The following DNAJA3 variants were observed in gnomAD, a reference collection of about 807,000 sequenced individuals.
DNAJA3 encodes dnaJ homolog subfamily A member 3, mitochondrial.
A neutral mutation model predicts 54.9 loss-of-function variants in DNAJA3; 29 were observed. The observed-to-expected ratio is 0.53, with a 90% CI of 0.39 to 0.72. The LOEUF is 0.72. DNAJA3 is among the 30% of genes least tolerant of loss of function. The pLI is 0.00. For missense variants in DNAJA3, 708 were observed against 639.4 expected, an observed-to-expected ratio of 1.11 and a Z score of -1.16; for synonymous variants, 302 against 251.4, an observed-to-expected ratio of 1.20 and a Z score of -1.90.
chr16:4,434,040 C>A lies in DNAJA3; in HGVS notation c.212-344C>A. The stretch of plus-strand genomic sequence containing the variant: ...GCACGGCTGGGGAGGCCTCAGCGAT[C>A]GTGGCGGAAGGGGAAGCAAACACAT... On this transcript the variant is annotated intron_variant, in intron 1 of 11. Coordinates refer to ENST00000262375, the MANE Select transcript of DNAJA3 (RefSeq NM_005147.6). 3 of 280,844 alleles carry A rather than the reference C, an allele frequency of 1.1e-5. No individual in the cohort carries two copies. The South Asian group carries it at 1.2e-4, about 11-fold the overall frequency. The allele number at this position is 280,844 out of a possible 1,614,324, so 17.4% of individuals were successfully genotyped here. A position where few individuals can be genotyped will look rare whatever the true frequency, so the allele number is the denominator to read the frequency against.
chr16:4,428,635 G>C (rs916213754), intron 1 of DNAJA3, among the ~76,000 whole-genome samples: 2 of 152,204 alleles, frequency 1.3e-5, no homozygotes, highest in South Asian at 2.1e-4. Flanking sequence ...GCGGTTAGCT[G>C]TCTTGTTCCC....
intron 2 of DNAJA3, among the ~76,000 whole-genome samples, chr16:4,436,108 A>T (rs180791391): frequency 6.6e-6 from 1 of 152,080 alleles, no homozygotes; most frequent in African/African-American, 2.4e-5. Flanking sequence ...CATGTTGGCT[A>T]TTAGTATGTC....
At position 4,456,511 on chromosome 16, in the gene DNAJA3, G is replaced by A. The variant is rs930948318; in HGVS notation, c.*979G>A. On this transcript the variant is annotated 3_prime_UTR_variant, in exon 12 of 12. Coordinates refer to ENST00000262375, the MANE Select transcript of DNAJA3 (RefSeq NM_005147.6). ...AGAAAAGGAAAGCACAGGCTAAGCA[G>A]TTGAAGGTTCCCCACCATTCAGTGA... 6.5e-6 allele frequency: 1 copy of A among 152,684 alleles called. No individual in the cohort carries two copies. The highest frequency in any genetic ancestry group is 1.5e-5 in the Non-Finnish European group (1 of 68,042). 9.5% of individuals were successfully genotyped at this position (152,684 alleles called of 1,614,324 possible). A position where few individuals can be genotyped will look rare whatever the true frequency, so the allele number is the denominator to read the frequency against.
chr16:4,434,667 G>T, intron 2 of DNAJA3, 150 bp downstream of exon 2: 4 of 1,025,312 alleles, frequency 3.9e-6, no homozygotes, highest in South Asian at 1.9e-5. Flanking sequence ...GACTTTGCTA[G>T]ACTGTTTTTC....
Position 4,454,775 on chromosome 16 carries a change from C to G in DNAJA3, c.1340-36C>G, listed in dbSNP as rs756527434. 20 of 1,507,244 alleles carry G rather than the reference C, an allele frequency of 1.3e-5. No individual in the cohort carries two copies. The Admixed American group carries it at 1.9e-4, about 14-fold the overall frequency. The allele number at this position is 1,507,244 out of a possible 1,614,324, so 93.4% of individuals were successfully genotyped here. On this transcript the variant is annotated intron_variant, in intron 10 of 11. Coordinates refer to ENST00000262375, the MANE Select transcript of DNAJA3 (RefSeq NM_005147.6). ...TGGGATGTGACTGTGGAAGTGCAGG[C>G]CCATGACGCCAGTTCTTTCTGCTGT... is the stretch of plus-strand genomic sequence containing the variant.
At chr16:4,431,319 C>T (rs925524503) in intron 1 of DNAJA3, among the ~76,000 whole-genome samples, 21 of 152,208 alleles carry the variant, frequency 1.4e-4, no homozygotes, top group Admixed American at 1.2e-3. Flanking sequence ...CTAGTGTTTT[C>T]TCAAGTCTGA....
In DNAJA3 at chr16:4,455,907, C is replaced by G; in HGVS notation, c.*375C>G. 2.4e-6 allele frequency: 1 copy of G among 419,596 alleles called. No individual in the cohort carries two copies. Among genetic ancestry groups the G allele is most frequent in the Non-Finnish European group, 4.3e-6 (1 of 231,816 alleles). 26.0% of individuals were successfully genotyped at this position (419,596 alleles called of 1,614,324 possible). A position where few individuals can be genotyped will look rare whatever the true frequency, so the allele number is the denominator to read the frequency against. On this transcript the variant is annotated 3_prime_UTR_variant, in exon 12 of 12. Transcript: ENST00000262375. Reference sequence around the variant, plus strand: ...CCATGCTTACAGCTTAGAAATGAAGCCTTAAGCTGCATCAAGTTACGAAGT... The same window carrying G: ...CCATGCTTACAGCTTAGAAATGAAGGCTTAAGCTGCATCAAGTTACGAAGT...
At chr16:4,454,056 G>T (rs1456713204) in intron 10 of DNAJA3, among the ~76,000 whole-genome samples, 1 of 152,186 alleles carries the variant, frequency 6.6e-6, no homozygotes, top group Non-Finnish European at 1.5e-5. Context: ...TAAAGAAATT[G>T]CAGCACAGCT....
At chr16:4,451,108 G>C (rs555592094) in intron 10 of DNAJA3, among the ~76,000 whole-genome samples, 21 of 152,318 alleles carry the variant, frequency 1.4e-4, no homozygotes, top group Non-Finnish European at 2.5e-4. Flanking sequence ...TGTGGGCGCT[G>C]AGACAATGGC....
chr16:4,436,659 C>T (rs1361388978), intron 2 of DNAJA3, among the ~76,000 whole-genome samples: 1 of 152,000 alleles, frequency 6.6e-6, no homozygotes, highest in Non-Finnish European at 1.5e-5. Context: ...CCTCAGCCTC[C>T]CGAGTACCTG....
intron 2 of DNAJA3, among the ~76,000 whole-genome samples, chr16:4,434,772 A>G (rs1182525632): frequency 6.6e-6 from 1 of 152,062 alleles, no homozygotes; most frequent in Non-Finnish European, 1.5e-5. Context: ...CTGTTTTCAT[A>G]ATTAAATTTA....
Position 4,446,971 on chromosome 16 carries a change from G to C in DNAJA3, c.1082G>C (p.Gly361Ala). The C allele has an allele frequency of 5.0e-6, 8 of 1,614,162 alleles. No individual in the cohort carries two copies. Among genetic ancestry groups the C allele is most frequent in the Non-Finnish European group, 6.8e-6 (8 of 1,180,024 alleles). ...TCTATAGCTCAGGCTCTTCTTGGGG[G>C]TACAGCCAGAGCCCAGGGCCTGTAC... The part of the protein sequence containing the change: ...FISIAQALLG[G>A]TARAQGLYET... The change falls in exon 8 of 12, where the codon GGT becomes GCT. Residue 361 changes from glycine to alanine, a missense_variant. Physicochemically the swap from Gly to Ala is moderately conservative, Grantham distance 60 (BLOSUM62 0). Transcript: ENST00000262375.
At chr16:4,432,437 G>T (rs895326875) in intron 1 of DNAJA3, among the ~76,000 whole-genome samples, 1 of 150,722 alleles carries the variant, frequency 6.6e-6, no homozygotes, top group Non-Finnish European at 1.5e-5. Flanking sequence ...CTGCCCCCCA[G>T]GTTCAAGCGA....
At chr16:4,442,499 A>C in intron 5 of DNAJA3, 79 bp downstream of exon 5, 1 of 1,436,366 alleles carries the variant, frequency 7.0e-7, no homozygotes, top group Non-Finnish European at 9.3e-7. Flanking sequence ...CTGCTCCCAG[A>C]GAACGTATGC....
chr16:4,452,363 G>A (rs1333461957), intron 10 of DNAJA3, among the ~76,000 whole-genome samples: 9 of 152,124 alleles, frequency 5.9e-5, no homozygotes, highest in Admixed American at 6.6e-5. Context: ...AGCTTGAGGT[G>A]TGCTACGGCC....
At chr16:4,431,055 AAAC>A (rs1400230949) in intron 1 of DNAJA3, 2 of 152,186 alleles carry the variant, frequency 1.3e-5, no homozygotes, top group Admixed American at 1.3e-4. Context: ...AAAAAAGAAA[AAAC>A]AAAGCCATCA....
chr16:4,428,843 A>G (rs1171428892), intron 1 of DNAJA3, among the ~76,000 whole-genome samples: 1 of 151,568 alleles, frequency 6.6e-6, no homozygotes, highest in East Asian at 1.9e-4. Context: ...GTTTGGGACC[A>G]GCCTGGGCAA....
In DNAJA3 at chr16:4,455,844, A is replaced by G. The variant is rs2141401466; in HGVS notation, c.*312A>G. ...TAGACTCTTGCAGGGCTAAAACTCT[A>G]ATTTGGAATTGAATATTGTGGATAT... On this transcript the variant is annotated 3_prime_UTR_variant, in exon 12 of 12. Coordinates refer to ENST00000262375, the MANE Select transcript of DNAJA3 (RefSeq NM_005147.6). 3.6e-6 allele frequency: 2 copies of G among 551,346 alleles called. No individual in the cohort carries two copies. Among genetic ancestry groups the G allele is most frequent in the South Asian group, 2.6e-5 (1 of 38,448 alleles). The allele number at this position is 551,346 out of a possible 1,614,324, so 34.2% of individuals were successfully genotyped here.
intron 1 of DNAJA3, among the ~76,000 whole-genome samples, chr16:4,426,493 A>G (rs573409967): frequency 1.3e-5 from 2 of 152,232 alleles, no homozygotes; most frequent in African/African-American, 4.8e-5. Flanking sequence ...GCCTGCCGTC[A>G]TCACCATTTT....
Sources: gnomAD v4.1 joint callset for allele counts (sites outside exome capture counted in the v4.1 genomes callset) on GRCh38, gnomAD v4.1.1 for gene constraint, MANE v1.5 for transcripts, NCBI Gene and HGNC (gene_info 2026-07-23, HGNC 2026-07-21) for gene names.